RBX1: variants seen among roughly 807,000 people sequenced by gnomAD.
RBX1 encodes ring-box 1, also known as E3 ubiquitin-protein ligase RBX1.
For missense variants in RBX1, 46 were observed against 141.4 expected (o/e 0.33, Z 3.42); for synonymous variants, 48 against 47.9 (o/e 1.00, Z -0.01).
chr22:40,973,018 C>T lies in RBX1; in HGVS notation c.*530C>T, dbSNP rs957047987. ...TTGTCTCTCTACTCTGAACTTTCCT[C>T]CTCTGTACTGTGGGCTTCTGAGGAC... On this transcript the variant is annotated 3_prime_UTR_variant, in exon 5 of 5. Transcript: ENST00000216225. 1 of 155,224 alleles carries T rather than the reference C, an allele frequency of 6.4e-6. No individual in the cohort carries two copies. The highest frequency in any genetic ancestry group is 1.4e-5 in the Non-Finnish European group (1 of 69,916). The allele number at this position is 155,224 out of a possible 1,614,324, so 9.6% of individuals were successfully genotyped here.
chr22:40,957,245 T>C (rs956333185), intron 2 of RBX1, among the ~76,000 whole-genome samples: 2 of 151,996 alleles, frequency 1.3e-5, no homozygotes, highest in African/African-American at 4.8e-5. Context: ...CATGGGAGGC[T>C]GAGGCAGGAG....
At chr22:40,968,027 T>G (rs1360705885) in intron 4 of RBX1, 143 bp downstream of exon 4, 2 of 536,056 alleles carry the variant, frequency 3.7e-6, no homozygotes, top group South Asian at 2.7e-5. Flanking sequence ...CTTATCTATA[T>G]GGAAAATGCA....
At chr22:40,964,309 A>C (rs1046215307) in intron 3 of RBX1, 192 bp downstream of exon 3, 2 of 487,614 alleles carry the variant, frequency 4.1e-6, no homozygotes, top group Non-Finnish European at 7.4e-6. Context: ...CAGTTACTGC[A>C]AAGAGGCACT....
intron 4 of RBX1, 94 bp downstream of exon 4, chr22:40,967,978 G>GT (rs2058358585): frequency 7.8e-5 from 54 of 688,526 alleles, no homozygotes; most frequent in South Asian, 9.4e-5. Context: ...TACATGCCTT[G>GT]TTTTTTTTAA....
intron 3 of RBX1, 24 bp downstream of exon 3, chr22:40,964,141 AGCATG>A: frequency 2.6e-6 from 4 of 1,565,744 alleles, no homozygotes; most frequent in Non-Finnish European, 3.5e-6. Context: ...TTTACCTGTC[AGCATG>A]GCTTGTAAAC....
chr22:40,970,519 C>G (rs2058366379), intron 4 of RBX1, among the ~76,000 whole-genome samples: 1 of 152,210 alleles, frequency 6.6e-6, no homozygotes, highest in African/African-American at 2.4e-5. Context: ...CTTAGCCACT[C>G]TGATAGGTGA....
At chr22:40,951,846 G>T (rs1312368413) in intron 1 of RBX1, among the ~76,000 whole-genome samples, 1 of 152,088 alleles carries the variant, frequency 6.6e-6, no homozygotes, top group African/African-American at 2.4e-5. Flanking sequence ...AGCGAATGCG[G>T]CGGTGGAGGA....
chr22:40,959,745 A>C lies in RBX1; in HGVS notation c.158-4302A>C, dbSNP rs542430830. 5.9e-5 allele frequency among the ~76,000 whole-genome samples: 9 copies of C among 152,206 alleles called. No individual in the cohort carries two copies. In the East Asian group the frequency reaches 1.7e-3, roughly 29 times the overall value. ...AGAATCACTTGAACCTGGGAGACAG[A>C]GGTTGCAGTGAGCCAAGATTGCACC... On this transcript the variant is annotated intron_variant, in intron 2 of 4. Coordinates refer to ENST00000216225, the MANE Select transcript of RBX1 (RefSeq NM_014248.4).
At chr22:40,968,831 T>C (rs1698652939) in intron 4 of RBX1, among the ~76,000 whole-genome samples, 1 of 151,446 alleles carries the variant, frequency 6.6e-6, no homozygotes, top group Non-Finnish European at 1.5e-5. Flanking sequence ...AAAGTGAGTA[T>C]CCTATACAGT....
Position 40,970,174 on chromosome 22 carries a change from G to GGT in RBX1, c.314+2292_314+2293dup, listed in dbSNP as rs1174890839. 2.0e-5 allele frequency among the ~76,000 whole-genome samples: 3 copies of GGT among 151,464 alleles called. No homozygotes were observed. In the East Asian group the frequency reaches 5.8e-4, roughly 29 times the overall value. On this transcript the variant is annotated intron_variant, in intron 4 of 4. Transcript: ENST00000216225. ...AGTTCAAGACCAGCCTGGCCAACAT[G>GGT]GTGAAACCCCCTCTCTACTAAAAAT...
intron 2 of RBX1, among the ~76,000 whole-genome samples, chr22:40,962,547 G>C (rs2058343813): frequency 6.9e-6 from 1 of 144,408 alleles, no homozygotes; most frequent in South Asian, 2.2e-4. Context: ...CCAGGCTGGA[G>C]TGCAGTGGCG....
chr22:40,966,817 C>T (rs1365101478), intron 3 of RBX1: 1 of 152,066 alleles, frequency 6.6e-6, no homozygotes, highest in Non-Finnish European at 1.5e-5. Context: ...CTGCCCGTGC[C>T]CCACCACAGT....
chr22:40,959,981 G>A (rs758867056), intron 2 of RBX1, among the ~76,000 whole-genome samples: 1 of 152,018 alleles, frequency 6.6e-6, no homozygotes, highest in Non-Finnish European at 1.5e-5. Context: ...AGCTTGGTAT[G>A]GTAGTGCACA....
chr22:40,970,333 A>G (rs2058365607), intron 4 of RBX1, among the ~76,000 whole-genome samples: 1 of 151,760 alleles, frequency 6.6e-6, no homozygotes, highest in African/African-American at 2.4e-5. Flanking sequence ...CCGGGGCAAA[A>G]GAGCAAAACT....
At chr22:40,972,415 T>G (rs2058371540) in intron 4 of RBX1, 61 bp from the exon 5 acceptor site, 2 of 1,417,020 alleles carry the variant, frequency 1.4e-6, no homozygotes, top group South Asian at 2.3e-5. Context: ...TTAAGCAGGT[T>G]TTATGTCTCA....
chr22:40,967,784 T>A lies in RBX1; in HGVS notation c.229-15T>A, dbSNP rs1028421727. 3.1e-6 allele frequency: 5 copies of A among 1,609,198 alleles called. No individual in the cohort carries two copies. Among genetic ancestry groups the A allele is most frequent in the Non-Finnish European group, 4.3e-6 (5 of 1,175,776 alleles). Reference sequence around the variant, plus strand: ...GCATAGAGTTATTTTTAATAAAATATATGTTTTCTTTCAGCATGCTTTTCA... The same window carrying A: ...GCATAGAGTTATTTTTAATAAAATAAATGTTTTCTTTCAGCATGCTTTTCA... On this transcript the variant is annotated splice_polypyrimidine_tract_variant and intron_variant, in intron 3 of 4. Coordinates refer to ENST00000216225, the MANE Select transcript of RBX1 (RefSeq NM_014248.4).
intron 2 of RBX1, among the ~76,000 whole-genome samples, chr22:40,960,678 C>G (rs1193401303): frequency 6.6e-6 from 1 of 152,102 alleles, no homozygotes; most frequent in East Asian, 1.9e-4. Flanking sequence ...ATCATATTTA[C>G]TTTTCTCTGC....
At chr22:40,971,844 A>G (rs2058369906) in intron 4 of RBX1, among the ~76,000 whole-genome samples, 1 of 152,132 alleles carries the variant, frequency 6.6e-6, no homozygotes, top group Non-Finnish European at 1.5e-5. Flanking sequence ...GGAGTGAGCC[A>G]CTGCACCCGG....
chr22:40,967,081 C>G (rs1482719547), intron 3 of RBX1: 1 of 152,124 alleles, frequency 6.6e-6, no homozygotes, highest in Non-Finnish European at 1.5e-5. Context: ...CCTTTTGATG[C>G]TCTTTAGGCT....
Sources: allele counts gnomAD v4.1 joint callset (sites outside exome capture counted in the v4.1 genomes callset), GRCh38; gene constraint gnomAD v4.1.1; transcripts MANE v1.5; gene names NCBI Gene and HGNC (gene_info 2026-07-23, HGNC 2026-07-21).